Variants in KRT6A observed in about 807,000 individuals in gnomAD.
The protein encoded by KRT6A is keratin, type II cytoskeletal 6A.
A neutral mutation model predicts 48.6 loss-of-function variants in KRT6A; 28 were observed. The observed-to-expected ratio is 0.58, with a 90% CI of 0.43 to 0.79. KRT6A has a LOEUF of 0.79. Among genes scored for constraint, KRT6A ranks in the 30% least tolerant of loss-of-function variants. The pLI is 0.00. For missense variants in KRT6A, 687 were observed against 724.3 expected (o/e 0.95, Z 0.59); for synonymous variants, 301 against 294.2 (o/e 1.02, Z -0.24).
At position 52,488,063 on chromosome 12, in the gene KRT6A, A is replaced by T. The variant is rs1938180766; in HGVS notation, c.1459+6T>A. The T allele has an allele frequency of 3.7e-6, 6 of 1,614,112 alleles. No homozygotes were observed. Among genetic ancestry groups the T allele is most frequent in the Non-Finnish European group, 5.1e-6 (6 of 1,179,952 alleles). On this transcript the variant is annotated splice_donor_region_variant and intron_variant, in intron 8 of 8. Transcript: ENST00000330722. The stretch of plus-strand genomic sequence containing the variant: ...GCAGGGGAGGAAGGCAAGCAAAGGT[A>T]CTTACAGATGTTGACTTGTCCAACG...
Position 52,490,944 on chromosome 12 carries a change from C to A in KRT6A, c.826G>T (p.Ala276Ser). 1.9e-6 allele frequency: 3 copies of A among 1,613,962 alleles called. No homozygotes were observed. The highest frequency in any genetic ancestry group is 2.5e-6 in the Non-Finnish European group (3 of 1,179,876). ...AGTTCAACCTTGTTCATGTAGGCAG[C>A]ATCCACATCCTGGGGAAAGAGCCAA... ...EFVTLKKDVD[A>S]AYMNKVELQA... Residue 276 changes from alanine (A) to serine (S), a missense_variant, in exon 4 of 9, where the codon GCT becomes TCT. Ala to Ser is a moderately conservative substitution (Grantham distance 99, BLOSUM62 1). This residue lies in a region of KRT6A where 566 missense variants were observed against 565.3 expected (regional missense o/e 1.00). Coordinates refer to ENST00000330722, the MANE Select transcript of KRT6A (RefSeq NM_005554.4).
At chr12:52,491,411 T>A in intron 2 of KRT6A, 111 bp downstream of exon 2, 1 of 1,443,942 alleles carries the variant, frequency 6.9e-7, no homozygotes, top group Non-Finnish European at 9.7e-7. Context: ...GTGCTCTTCA[T>A]TTCCACGGAC....
intron 1 of KRT6A, among the ~76,000 whole-genome samples, chr12:52,491,948 G>T (rs1309295302): frequency 1.3e-5 from 2 of 152,136 alleles, no homozygotes; most frequent in Non-Finnish European, 2.9e-5. Context: ...CCATTCAGGT[G>T]TTCTCACTCT....
Position 52,493,135 on chromosome 12 carries a change from G to T in KRT6A, c.54C>A (p.Phe18Leu), listed in dbSNP as rs1456998109. The T allele has an allele frequency of 6.2e-7, 1 of 1,614,144 alleles. No individual in the cohort carries two copies. Among genetic ancestry groups the T allele is most frequent in the Non-Finnish European group, 8.5e-7 (1 of 1,180,042 alleles). ...IRSHSSSRRG[F>L]SANSARLPGV... ...CAGGGAGCCTGGCTGAGTTGGCACT[G>T]AAACCCCGGCGGCTGCTGCTGTGGC... Residue 18 changes from phenylalanine to leucine, a missense_variant, in exon 1 of 9, where the codon TTC becomes TTA. Phe to Leu is a conservative substitution (Grantham distance 22). This residue lies in a region of KRT6A where 72 missense variants were observed against 61.8 expected (regional missense o/e 1.17). Transcript: ENST00000330722.
At position 52,487,699 on chromosome 12, in the gene KRT6A, C is replaced by T. The variant is rs1246927412; in HGVS notation, c.*21G>A. 2 of 1,614,096 alleles carry T rather than the reference C, an allele frequency of 1.2e-6. No homozygotes were observed. The highest frequency in any genetic ancestry group is 2.2e-5 in the South Asian group (2 of 91,068). On this transcript the variant is annotated 3_prime_UTR_variant, in exon 9 of 9. Coordinates refer to ENST00000330722, the MANE Select transcript of KRT6A (RefSeq NM_005554.4). ...AGAGAGGGGCCTGAGGACTGTGGGACCGAGAGCTAGCAGACGCACTTTAGT... is the reference window on the plus strand; with the variant it reads ...AGAGAGGGGCCTGAGGACTGTGGGATCGAGAGCTAGCAGACGCACTTTAGT...
Position 52,493,158 on chromosome 12 carries a change from G to A in KRT6A, c.31C>T (p.His11Tyr), listed in dbSNP as rs758533268. The change falls in exon 1 of 9, where the codon CAC becomes TAC. Residue 11 changes from histidine to tyrosine, a missense_variant. His to Tyr is a moderately conservative substitution (Grantham distance 83). Around this residue, in one of 3 missense-constraint regions of KRT6A, gnomAD observed 72 missense variants for 61.8 expected, o/e 1.17. Transcript: ENST00000330722. The part of the protein sequence containing the change: MASTSTTIRS[H>Y]SSSRRGFSAN... ...CTGAAACCCCGGCGGCTGCTGCTGT[G>A]GCTCCTGATGGTGGTGGATGTGCTG... 6.8e-6 allele frequency: 11 copies of A among 1,614,146 alleles called. No individual in the cohort carries two copies. The South Asian group carries it at 1.2e-4, about 18-fold the overall frequency.
intron 1 of KRT6A, among the ~76,000 whole-genome samples, chr12:52,491,938 C>T (rs1046988377): frequency 6.6e-6 from 1 of 152,130 alleles, no homozygotes; most frequent in Non-Finnish European, 1.5e-5. Context: ...GTCCCACGGA[C>T]CATTCAGGTG....
At chr12:52,489,812 AG>A (rs1342265593) in intron 6 of KRT6A, 130 bp downstream of exon 6, 2 of 1,469,110 alleles carry the variant, frequency 1.4e-6, no homozygotes, top group African/African-American at 1.4e-5. Flanking sequence ...GTACCCACTA[AG>A]GGTAGGAAAT....
chr12:52,491,394 C>T (rs113874396), intron 2 of KRT6A, 128 bp downstream of exon 2: 16 of 1,371,272 alleles, frequency 1.2e-5, no homozygotes, highest in African/African-American at 5.7e-5. Context: ...CTCCTAGGGA[C>T]TAATTTGTGC....
At chr12:52,490,176 C>T (rs1938234517) in intron 5 of KRT6A, 108 bp from the exon 6 acceptor site, 1 of 1,605,646 alleles carries the variant, frequency 6.2e-7, no homozygotes, top group Non-Finnish European at 8.5e-7. Context: ...AAAGGCTTCT[C>T]CTCAAGAAAC....
intron 7 of KRT6A, 77 bp downstream of exon 7, chr12:52,488,251 C>T (rs1938185207): frequency 3.7e-6 from 6 of 1,613,432 alleles, no homozygotes; most frequent in Admixed American, 3.3e-5. Flanking sequence ...ATGGGCAGTG[C>T]ACCTTAAAGT....
chr12:52,488,712 C>A (rs1162649188), intron 6 of KRT6A, among the ~76,000 whole-genome samples, 164 bp from the exon 7 acceptor site: 2 of 151,416 alleles, frequency 1.3e-5, no homozygotes, highest in African/African-American at 4.9e-5. Context: ...CAGTTTTTGT[C>A]CAGTCTGGTT....
Position 52,488,122 on chromosome 12 carries a change from G to A in KRT6A, c.1425-19C>T. 3 of 1,613,990 alleles carry A rather than the reference G, an allele frequency of 1.9e-6. No individual in the cohort carries two copies. Among genetic ancestry groups the A allele is most frequent in the Non-Finnish European group, 2.5e-6 (3 of 1,179,876 alleles). On this transcript the variant is annotated intron_variant, in intron 7 of 8. Coordinates refer to ENST00000330722, the MANE Select transcript of KRT6A (RefSeq NM_005554.4). ...ATTCAGCCTGTGGAGAGGAACACAGGGAGGGTGAGACCTCAGAGAGCTCTT... is the reference window on the plus strand; with the variant it reads ...ATTCAGCCTGTGGAGAGGAACACAGAGAGGGTGAGACCTCAGAGAGCTCTT...
In KRT6A at chr12:52,487,565, G is replaced by A. The variant is rs562728568; in HGVS notation, c.*155C>T. ...TGGGTGCTCAGATGGTATAGAGAGAGAGAGAAGAAGTGAGGGCACTAAGCA... is the reference window on the plus strand; with the variant it reads ...TGGGTGCTCAGATGGTATAGAGAGAAAGAGAAGAAGTGAGGGCACTAAGCA... On this transcript the variant is annotated 3_prime_UTR_variant, in exon 9 of 9. Transcript: ENST00000330722. 22 of 842,672 alleles carry A rather than the reference G, an allele frequency of 2.6e-5. No homozygotes were observed. The Admixed American group carries it at 2.7e-4, about 10-fold the overall frequency. The allele number at this position is 842,672 out of a possible 1,614,324, so 52.2% of individuals were successfully genotyped here. A position where few individuals can be genotyped will look rare whatever the true frequency, so the allele number is the denominator to read the frequency against.
At position 52,488,954 on chromosome 12, in the gene KRT6A, C is replaced by G. The variant is rs1247162942; in HGVS notation, c.1204-406G>C. On this transcript the variant is annotated intron_variant, in intron 6 of 8. Coordinates refer to ENST00000330722, the MANE Select transcript of KRT6A (RefSeq NM_005554.4). ...CCTGAAGTGAGGTGATGAGTCTTCA[C>G]ATGAGACTGCTGAGACCTTGCCTTC... 2.6e-5 allele frequency among the ~76,000 whole-genome samples: 4 copies of G among 152,354 alleles called. No individual in the cohort carries two copies. In the East Asian group the frequency reaches 7.7e-4, roughly 29 times the overall value.
In KRT6A at chr12:52,487,503, A is replaced by G. The variant is rs1592183540; in HGVS notation, c.*217T>C. ...GTGAAGCTCCAGTGGTGATTACATCATGATGTAAAATCAGAGGTTGATCTG... is the reference window on the plus strand; with the variant it reads ...GTGAAGCTCCAGTGGTGATTACATCGTGATGTAAAATCAGAGGTTGATCTG... On this transcript the variant is annotated 3_prime_UTR_variant, in exon 9 of 9. Coordinates refer to ENST00000330722, the MANE Select transcript of KRT6A (RefSeq NM_005554.4). 3.2e-6 allele frequency: 2 copies of G among 616,580 alleles called. No homozygotes were observed. Among genetic ancestry groups the G allele is most frequent in the Middle Eastern group, 4.4e-4 (1 of 2,286 alleles). The allele number at this position is 616,580 out of a possible 1,614,324, so 38.2% of individuals were successfully genotyped here.
In KRT6A at chr12:52,488,553, A is replaced by G. The variant is rs547550418; in HGVS notation, c.1204-5T>C. 4.3e-4 allele frequency: 689 copies of G among 1,613,976 alleles called. 2 individuals are homozygous for G. Among genetic ancestry groups the G allele is most frequent in the Admixed American group, 2.0e-3 (122 of 59,994 alleles). On this transcript the variant is annotated splice_polypyrimidine_tract_variant and splice_region_variant and intron_variant, in intron 6 of 8. Coordinates refer to ENST00000330722, the MANE Select transcript of KRT6A (RefSeq NM_005554.4). ...GGCGGCCTGCAGGTTGGCGCACTGGAAGAGGAAAGGAATAGAAGAAACTTG... is the reference window on the plus strand; with the variant it reads ...GGCGGCCTGCAGGTTGGCGCACTGGGAGAGGAAAGGAATAGAAGAAACTTG...
chr12:52,490,149 T>A (rs1360518082), intron 5 of KRT6A, 81 bp from the exon 6 acceptor site: 87 of 1,610,170 alleles, frequency 5.4e-5, no homozygotes, highest in Non-Finnish European at 7.2e-5. Flanking sequence ...GTATCATGCA[T>A]GTCATGAAGT....
chr12:52,490,484 G>C, intron 5 of KRT6A, 85 bp downstream of exon 5: 1 of 1,607,170 alleles, frequency 6.2e-7, no homozygotes, highest in East Asian at 2.2e-5. Context: ...CTTCCTGTCA[G>C]GGGATGTCCC....
Sources: gnomAD v4.1 joint callset for allele counts (sites outside exome capture counted in the v4.1 genomes callset) on GRCh38, gnomAD v4.1.1 for gene constraint, gnomAD v4.1.1 regional missense constraint, MANE v1.5 for transcripts, NCBI Gene and HGNC (gene_info 2026-07-23, HGNC 2026-07-21) for gene names.